The following MYRFL variants were observed in gnomAD, a reference collection of about 807,000 sequenced individuals.
MYRFL encodes myelin regulatory factor-like protein.
Under a neutral mutation model 109.4 loss-of-function variants are expected in MYRFL, and 88 were observed. That is an observed-to-expected ratio of 0.80 (90% CI 0.68 to 0.96). The LOEUF (loss-of-function observed/expected upper bound fraction) is 0.96. Ranked by LOEUF, MYRFL falls within the 40% of genes least tolerant of loss-of-function variation. MYRFL has a pLI of 0.00. For missense variants in MYRFL, 957 were observed against 954.9 expected, an observed-to-expected ratio of 1.00 and a Z score of -0.03; for synonymous variants, 324 against 320.9, an observed-to-expected ratio of 1.01 and a Z score of -0.10.
chr12:69,853,901 G>T (rs548526847), intron 1 of MYRFL, among the ~76,000 whole-genome samples: 1 of 151,950 alleles, frequency 6.6e-6, no homozygotes, highest in Admixed American at 6.6e-5. Flanking sequence ...CATCCCAGAC[G>T]ATGGGCGGCC....
intron 1 of MYRFL, among the ~76,000 whole-genome samples, chr12:69,853,413 G>C (rs1023506559): frequency 6.6e-6 from 1 of 151,604 alleles, no homozygotes; most frequent in Non-Finnish European, 1.5e-5. Context: ...CGGCCGGGCA[G>C]AGACGCTCCT....
chr12:69,859,377 G>A (rs1305821587), intron 2 of MYRFL, among the ~76,000 whole-genome samples: 1 of 152,032 alleles, frequency 6.6e-6, no homozygotes, highest in Non-Finnish European at 1.5e-5. Context: ...TTCTTGTTCA[G>A]GTCTTCTATA....
intron 1 of MYRFL, among the ~76,000 whole-genome samples, chr12:69,843,854 G>A (rs751205675): frequency 3.9e-5 from 6 of 152,212 alleles, no homozygotes; most frequent in Non-Finnish European, 7.3e-5. Flanking sequence ...GGAGGCCTAC[G>A]CAGCTTCTCC....
At chr12:69,836,298 G>A (rs1265206979) in intron 1 of MYRFL, among the ~76,000 whole-genome samples, 1 of 152,094 alleles carries the variant, frequency 6.6e-6, no homozygotes, top group African/African-American at 2.4e-5. Context: ...TGGGGTCTCG[G>A]GTTTTTATAG....
At chr12:69,938,640 G>C (rs2120493925) in intron 19 of MYRFL, among the ~76,000 whole-genome samples, 1 of 152,142 alleles carries the variant, frequency 6.6e-6, no homozygotes, top group East Asian at 1.9e-4. Context: ...AGTTTTTAAT[G>C]AAAAGGTTTA....
At chr12:69,874,787 C>A (rs990065806) in intron 2 of MYRFL, among the ~76,000 whole-genome samples, 4 of 152,036 alleles carry the variant, frequency 2.6e-5, no homozygotes, top group African/African-American at 9.7e-5. Context: ...CTTCTGGCCT[C>A]TGGAGATTTT....
At chr12:69,853,515 C>T (rs1350033116) in intron 1 of MYRFL, among the ~76,000 whole-genome samples, 2 of 148,300 alleles carry the variant, frequency 1.3e-5, no homozygotes, top group African/African-American at 5.0e-5. Flanking sequence ...ACATCCCAGA[C>T]GGGGCGGCGG....
intron 13 of MYRFL, among the ~76,000 whole-genome samples, chr12:69,913,694 T>TCTAA (rs1182684087): frequency 6.6e-6 from 1 of 152,186 alleles, no homozygotes; most frequent in Non-Finnish European, 1.5e-5. Context: ...TTTTGATTAC[T>TCTAA]CTAACTCTGT....
chr12:69,857,054 C>T (rs1216412287), intron 2 of MYRFL, among the ~76,000 whole-genome samples: 1 of 151,652 alleles, frequency 6.6e-6, no homozygotes, highest in African/African-American at 2.4e-5. Context: ...TTGTAAAAGG[C>T]TTGAGATACA....
chr12:69,860,456 CTA>C (rs1884578404), intron 2 of MYRFL, among the ~76,000 whole-genome samples: 1 of 151,958 alleles, frequency 6.6e-6, no homozygotes, highest in Admixed American at 6.6e-5. Flanking sequence ...TAATTGTAAC[CTA>C]TATATATCAA....
intron 1 of MYRFL, among the ~76,000 whole-genome samples, chr12:69,835,013 G>C (rs1240256): frequency 0.99 from 150,130 of 152,312 alleles, 74,033 homozygotes; most frequent in Middle Eastern, 1. Flanking sequence ...TCGTCTGAAG[G>C]ATTTTGTTCT....
chr12:69,938,952 G>T (rs140365114), intron 19 of MYRFL, among the ~76,000 whole-genome samples: 1 of 152,114 alleles, frequency 6.6e-6, no homozygotes, highest in Non-Finnish European at 1.5e-5. Flanking sequence ...GGAAAATCGG[G>T]TCACTCCCAC....
rs187862284 is a variant in MYRFL, at chr12:69,957,881, A to G, written c.2510A>G (p.His837Arg). The G allele has an allele frequency of 1.6e-5, 25 of 1,535,142 alleles. No homozygotes were observed. Among genetic ancestry groups the G allele is most frequent in the East Asian group, 1.5e-4 (6 of 40,892 alleles). ...TTCACCCTTGGAAATATATGTTTCC[A>G]TAGTAAAAGGGGAACCAAAGGGCTG... ...CKFTLGNICFHSKRGTKGLES... is the reference protein window; with the variant it reads ...CKFTLGNICFRSKRGTKGLES... The change falls in exon 23 of 25, where the codon CAT becomes CGT. Residue 837 changes from histidine (H) to arginine (R), a missense_variant. By Grantham distance (29) the His-to-Arg change is conservative (BLOSUM62 0). Coordinates refer to ENST00000552032, the MANE Select transcript of MYRFL (RefSeq NM_182530.3).
intron 2 of MYRFL, among the ~76,000 whole-genome samples, chr12:69,864,437 T>G (rs1348786143): frequency 2.6e-5 from 4 of 152,130 alleles, no homozygotes; most frequent in Admixed American, 2.0e-4. Context: ...CATTCTGTTA[T>G]TGAGCCCACC....
chr12:69,936,078 G>GTTTTTTTTTTTTTTTTTT lies in MYRFL; in HGVS notation c.1917-23_1917-6dup, dbSNP rs71098067. ...TCTGGAAACAAATCTGCCACATAATGTTTTTTTTTTTTTTTTTTTTTTTTT... is the reference window on the plus strand; with the variant it reads ...TCTGGAAACAAATCTGCCACATAATGTTTTTTTTTTTTTTTTTTTTTTTTTTTTTTTTTTTTTTTTTTT... On this transcript the variant is annotated intron_variant, in intron 16 of 24. Transcript: ENST00000552032. 17 of 893,916 alleles carry GTTTTTTTTTTTTTTTTTT rather than the reference G, an allele frequency of 1.9e-5. 2 individuals are homozygous for GTTTTTTTTTTTTTTTTTT. Among genetic ancestry groups the GTTTTTTTTTTTTTTTTTT allele is most frequent in the East Asian group, 1.8e-4 (3 of 16,630 alleles). 55.4% of individuals were successfully genotyped at this position (893,916 alleles called of 1,614,324 possible).
chr12:69,886,922 G>A lies in MYRFL; in HGVS notation c.659G>A (p.Cys220Tyr). The A allele has an allele frequency of 6.5e-7, 1 of 1,535,890 alleles. No individual in the cohort carries two copies. Among genetic ancestry groups the A allele is most frequent in the Non-Finnish European group, 8.7e-7 (1 of 1,146,724 alleles). ...TCTCCTGCTCTGAAGTGGCAACCAT[G>A]CCATAGTGTTCCTTGGCACAGCTTA... ...QCSPALKWQP[C>Y]HSVPWHSLLN... is the part of the protein sequence containing the mutation. The change falls in exon 6 of 25, where the codon TGC becomes TAC. Residue 220 changes from cysteine (C) to tyrosine (Y), a missense_variant. Physicochemically the swap from Cys to Tyr is radical, Grantham distance 194 (BLOSUM62 -2). Transcript: ENST00000552032.
intron 1 of MYRFL, among the ~76,000 whole-genome samples, chr12:69,828,988 G>A (rs542468074): frequency 2.0e-4 from 31 of 152,062 alleles, no homozygotes; most frequent in Non-Finnish European, 4.0e-4. Context: ...TTGGCTTAGC[G>A]TTGAAAGCAA....
intron 13 of MYRFL, among the ~76,000 whole-genome samples, chr12:69,922,980 G>A: frequency 6.6e-6 from 1 of 152,096 alleles, no homozygotes; most frequent in South Asian, 2.1e-4. Context: ...ATATAGGACA[G>A]GCAGGACAAA....
rs1883073438 is a variant in MYRFL, at chr12:69,838,487, A to G, written c.46+12924A>G. ...AAAATCAATGAGATTATTCACTTCTATGAGACATGTTCCTGTCATTTAAAA... is the reference window on the plus strand; with the variant it reads ...AAAATCAATGAGATTATTCACTTCTGTGAGACATGTTCCTGTCATTTAAAA... On this transcript the variant is annotated intron_variant, in intron 1 of 24. Transcript: ENST00000552032. Among the ~76,000 whole-genome samples, 3 of 152,212 alleles carry G rather than the reference A, an allele frequency of 2.0e-5. No homozygotes were observed. In the South Asian group the frequency reaches 6.2e-4, roughly 32 times the overall value.
Sources: gnomAD v4.1 joint callset for allele counts (sites outside exome capture counted in the v4.1 genomes callset) on GRCh38, gnomAD v4.1.1 for gene constraint, MANE v1.5 for transcripts, NCBI Gene and HGNC (gene_info 2026-07-23, HGNC 2026-07-21) for gene names.